Variants in PTPDC1 observed in about 807,000 individuals in gnomAD.
PTPDC1 encodes protein tyrosine phosphatase domain-containing protein 1.
In PTPDC1, 53 loss-of-function variants were observed where a neutral mutation model predicts 75.3. The ratio of observed to expected loss-of-function variants is 0.70; its 90% CI spans 0.56 to 0.88. PTPDC1 has a LOEUF of 0.88. Among genes scored for constraint, PTPDC1 ranks in the 40% least tolerant of loss-of-function variants. The pLI is 0.00. For missense variants in PTPDC1, 925 were observed against 998.6 expected (o/e 0.93, Z 0.99); for synonymous variants, 349 against 366.2 (o/e 0.95, Z 0.54).
chr9:94,033,630 GT>G (rs1829768602), intron 1 of PTPDC1, among the ~76,000 whole-genome samples: 2 of 152,170 alleles, frequency 1.3e-5, no homozygotes, highest in Admixed American at 1.3e-4. Context: ...GAGACAGCAT[GT>G]GTAAAGCCCT....
intron 2 of PTPDC1, among the ~76,000 whole-genome samples, chr9:94,071,627 A>C (rs1826514126): frequency 6.6e-6 from 1 of 152,236 alleles, no homozygotes; most frequent in Non-Finnish European, 1.5e-5. Flanking sequence ...TGATCTATAT[A>C]TCTGTCCATC....
At chr9:94,086,288 G>A (rs1458397764) in intron 2 of PTPDC1, among the ~76,000 whole-genome samples, 1 of 152,174 alleles carries the variant, frequency 6.6e-6, no homozygotes, top group Non-Finnish European at 1.5e-5. Context: ...GTATGAAGAA[G>A]GAAACATTCA....
intron 1 of PTPDC1, among the ~76,000 whole-genome samples, chr9:94,061,319 C>G (rs1296654275): frequency 6.6e-6 from 1 of 152,224 alleles, no homozygotes; most frequent in African/African-American, 2.4e-5. Context: ...TAAGGCTGCT[C>G]TCATGGGCTG....
intron 2 of PTPDC1, chr9:94,064,844 T>A: frequency 6.4e-7 from 1 of 1,557,856 alleles, no homozygotes; most frequent in Non-Finnish European, 8.8e-7. Flanking sequence ...TAATACACTT[T>A]TTGTCTCTCT....
In PTPDC1 at chr9:94,097,781, A is replaced by G; in HGVS notation, c.1215A>G (p.Ala405=). 1.2e-6 allele frequency: 2 copies of G among 1,614,190 alleles called. No individual in the cohort carries two copies. The highest frequency in any genetic ancestry group is 1.7e-6 in the Non-Finnish European group (2 of 1,180,024). Residue 405 remains alanine (A), a synonymous_variant, in exon 6 of 9, where the codon GCA becomes GCG. Coordinates refer to ENST00000620992, the MANE Select transcript of PTPDC1 (RefSeq NM_001253829.2). The stretch of plus-strand genomic sequence containing the variant: ...TGTCCAACCCGCCTAACCCCACTGC[A>G]GTGGCAGCAGATTTTGACAATCGAG... ...SDVSNPPNPT[A]VAADFDNRGM...
chr9:94,084,661 G>A lies in PTPDC1; in HGVS notation c.131G>A (p.Gly44Asp). ...CAGGCCCGGCGGGGCTCTGGCTTGG[G>A]CTCCGGCTCTGCCACGAAGCTGCTG... Reference protein sequence around the residue: ...LQQARRGSGLGSGSATKLLSS... With the variant: ...LQQARRGSGLDSGSATKLLSS... Residue 44 changes from glycine to aspartate, a missense_variant, in exon 1 of 9, where the codon GGC (glycine) becomes GAC (aspartate). Physicochemically the swap from Gly to Asp is moderately conservative, Grantham distance 94. Coordinates refer to ENST00000620992, the MANE Select transcript of PTPDC1 (RefSeq NM_001253829.2). 1 of 1,613,458 alleles carries A rather than the reference G, an allele frequency of 6.2e-7. No homozygotes were observed. Among genetic ancestry groups the A allele is most frequent in the Non-Finnish European group, 8.5e-7 (1 of 1,179,708 alleles).
At chr9:94,073,484 TAA>T (rs1321176590) in intron 2 of PTPDC1, among the ~76,000 whole-genome samples, 1 of 152,212 alleles carries the variant, frequency 6.6e-6, no homozygotes, top group African/African-American at 2.4e-5. Flanking sequence ...TGTGTCTTTT[TAA>T]AATTTTTGTC....
chr9:94,094,946 T>C (rs1182438875), intron 4 of PTPDC1, among the ~76,000 whole-genome samples: 2 of 152,200 alleles, frequency 1.3e-5, no homozygotes. Context: ...TGAGGCACGG[T>C]GCGTGCGCCC....
intron 2 of PTPDC1, among the ~76,000 whole-genome samples, chr9:94,077,589 C>T (rs561398590): frequency 6.6e-6 from 1 of 152,312 alleles, no homozygotes; most frequent in South Asian, 2.1e-4. Flanking sequence ...ATAAGGGTGA[C>T]ATATGGTGGA....
At position 94,073,163 on chromosome 9, in the gene PTPDC1, G is replaced by C. The variant is rs530769924; in HGVS notation, c.82+8342G>C. On this transcript the variant is annotated intron_variant, in intron 2 of 9. Transcript: ENST00000375360. ...TTTAAGCCAGGAGATTTCTTTTGGG[G>C]AACTTTTTGTTTATTAATTCAATTT... Among the ~76,000 whole-genome samples, 4 of 152,244 alleles carry C rather than the reference G, an allele frequency of 2.6e-5. No homozygotes were observed. The East Asian group carries it at 7.7e-4, about 29-fold the overall frequency.
intron 6 of PTPDC1, 169 bp from the exon 7 acceptor site, chr9:94,101,397 G>T (rs1300302039): frequency 1.2e-5 from 6 of 510,846 alleles, no homozygotes; most frequent in Non-Finnish European, 2.1e-5. Flanking sequence ...TTAGTCCAGT[G>T]TCCAGCCTGG....
intron 2 of PTPDC1, chr9:94,064,912 T>C (rs1826255082): frequency 1.1e-6 from 1 of 898,706 alleles, no homozygotes; most frequent in African/African-American, 1.7e-5. Context: ...GAAAAGGCTC[T>C]CTTCTTCATA....
chr9:94,086,855 G>A (rs10739968), intron 2 of PTPDC1, among the ~76,000 whole-genome samples: 125,440 of 152,238 alleles, frequency 0.82, 52,444 homozygotes, highest in African/African-American at 0.96. Flanking sequence ...GAAAGTAGAA[G>A]AGCCAGCATT....
intron 8 of PTPDC1, among the ~76,000 whole-genome samples, chr9:94,105,346 A>G (rs1827977461): frequency 6.6e-6 from 1 of 152,204 alleles, no homozygotes; most frequent in Non-Finnish European, 1.5e-5. Flanking sequence ...GCTACCCACC[A>G]TGTGAAGAAG....
rs1380172389 is a variant in PTPDC1, at chr9:94,079,122, C to T, written c.83-6129C>T. 2.6e-5 allele frequency among the ~76,000 whole-genome samples: 4 copies of T among 152,172 alleles called. No individual in the cohort carries two copies. In the East Asian group the frequency reaches 5.8e-4, roughly 22 times the overall value. On this transcript the variant is annotated intron_variant, in intron 2 of 9. Transcript: ENST00000375360. ...TTAGCACCTCTAGATACTCTTCCCTCCCCGGACTTGTTTTTGTTGTTATTT... is the reference window on the plus strand; with the variant it reads ...TTAGCACCTCTAGATACTCTTCCCTTCCCGGACTTGTTTTTGTTGTTATTT...
intron 8 of PTPDC1, 36 bp from the exon 9 acceptor site, chr9:94,107,792 T>G (rs570409082): frequency 8.0e-7 from 1 of 1,253,348 alleles, no homozygotes; most frequent in East Asian, 2.5e-5. Flanking sequence ...CAAATTCTTG[T>G]TACAGTGTCC....
upstream of PTPDC1, among the ~76,000 whole-genome samples, chr9:94,079,830 G>A (rs1457135350): frequency 6.6e-6 from 1 of 152,176 alleles, no homozygotes; most frequent in South Asian, 2.1e-4. Context: ...TGCAAGGTGA[G>A]CAGGAATGAT....
intron 1 of PTPDC1, among the ~76,000 whole-genome samples, chr9:94,042,184 T>C (rs115467034): frequency 0.015 from 2,226 of 152,318 alleles, 42 homozygotes; most frequent in African/African-American, 0.05. Flanking sequence ...TACAGCAGTA[T>C]CAGAGCTATT....
At chr9:94,032,713 GT>G (rs1564005024) in intron 1 of PTPDC1, among the ~76,000 whole-genome samples, 1 of 151,996 alleles carries the variant, frequency 6.6e-6, no homozygotes, top group East Asian at 1.9e-4. Context: ...TTGAGACGGG[GT>G]CTCACTCTGT....
Sources: gnomAD v4.1 joint callset for allele counts (sites outside exome capture counted in the v4.1 genomes callset) on GRCh38, gnomAD v4.1.1 for gene constraint, MANE v1.5 for transcripts, NCBI Gene and HGNC (gene_info 2026-07-23, HGNC 2026-07-21) for gene names.